Variants in MGAT4C observed in about 807,000 individuals in gnomAD.
MGAT4C encodes the protein MGAT4 family member C, also known as alpha-1,3-mannosyl-glycoprotein 4-beta-N-acetylglucosaminyltransferase C.
MGAT4C carries 19 observed loss-of-function variants against 40.1 expected under a neutral mutation model. That is an observed-to-expected ratio of 0.47 (90% confidence interval 0.33 to 0.70). MGAT4C has a LOEUF of 0.70. MGAT4C is among the 30% of genes least tolerant of loss of function. The pLI, the probability that MGAT4C is intolerant of heterozygous loss-of-function variation, is 0.02. For missense variants in MGAT4C, 491 were observed against 563.2 expected, an observed-to-expected ratio of 0.87 and a Z score of 1.30; for synonymous variants, 181 against 187.1, an observed-to-expected ratio of 0.97 and a Z score of 0.27.
At chr12:86,614,877 CTAAGTTGTA>C (rs1848559923) in intron 2 of MGAT4C, among the ~76,000 whole-genome samples, 1 of 151,702 alleles carries the variant, frequency 6.6e-6, no homozygotes, top group South Asian at 2.1e-4. Flanking sequence ...AAAATTTCCC[CTAAGTTGTA>C]TAAGAGTCAG....
chr12:86,080,594 C>T (rs1386654268), intron 1 of MGAT4C, among the ~76,000 whole-genome samples: 1 of 152,184 alleles, frequency 6.6e-6, no homozygotes, highest in African/African-American at 2.4e-5. Flanking sequence ...TGTGCACACA[C>T]ACACATGCAC....
chr12:86,036,986 A>G (rs1225388448), intron 2 of MGAT4C, among the ~76,000 whole-genome samples: 1 of 150,006 alleles, frequency 6.7e-6, no homozygotes, highest in African/African-American at 2.4e-5. Context: ...TGGTCTATTC[A>G]AGGATTCAAC....
chr12:86,452,965 T>C (rs762721175), intron 2 of MGAT4C, among the ~76,000 whole-genome samples: 2 of 152,204 alleles, frequency 1.3e-5, no homozygotes, highest in Non-Finnish European at 2.9e-5. Flanking sequence ...CAATCCTTAA[T>C]TGCATTGAAA....
intron 2 of MGAT4C, among the ~76,000 whole-genome samples, chr12:86,611,456 T>TAGATGATAGATAGATA (rs1555210960): frequency 4.2e-5 from 6 of 143,658 alleles, no homozygotes; most frequent in Non-Finnish European, 3.0e-5. Flanking sequence ...GATAGATAGA[T>TAGATGATAGATAGATA]GATAGATAGA....
At chr12:86,716,374 T>G (rs1950644969) in intron 2 of MGAT4C, among the ~76,000 whole-genome samples, 1 of 152,154 alleles carries the variant, frequency 6.6e-6, no homozygotes, top group South Asian at 2.1e-4. Flanking sequence ...CCCTACCTAA[T>G]ATTATCTTTT....
At chr12:86,200,687 T>G (rs2135932057) in intron 1 of MGAT4C, among the ~76,000 whole-genome samples, 1 of 152,306 alleles carries the variant, frequency 6.6e-6, no homozygotes, top group African/African-American at 2.4e-5. Context: ...GACTTTTTTA[T>G]GTATTTTGCA....
chr12:86,369,087 T>C (rs1311423099), intron 3 of MGAT4C, among the ~76,000 whole-genome samples: 1 of 152,070 alleles, frequency 6.6e-6, no homozygotes, highest in Non-Finnish European at 1.5e-5. Flanking sequence ...TACATTTCTT[T>C]TGAATTGCCA....
chr12:86,127,758 T>A (rs1481235441), intron 1 of MGAT4C, among the ~76,000 whole-genome samples: 2 of 152,192 alleles, frequency 1.3e-5, no homozygotes, highest in African/African-American at 4.8e-5. Flanking sequence ...TAGCCTAGTA[T>A]GAAACAGGGT....
chr12:86,420,747 T>TA (rs1172656716), intron 3 of MGAT4C, among the ~76,000 whole-genome samples: 1 of 149,300 alleles, frequency 6.7e-6, no homozygotes, highest in Admixed American at 6.7e-5. Flanking sequence ...AGTTTGGCCA[T>TA]AAAAAATCAA....
intron 2 of MGAT4C, among the ~76,000 whole-genome samples, chr12:86,676,755 C>T (rs1964409480): frequency 6.6e-6 from 1 of 152,086 alleles, no homozygotes; most frequent in Admixed American, 6.6e-5. Context: ...GTTAATTGAA[C>T]ATTCTCCATA....
chr12:86,190,042 A>G (rs1238263854), intron 1 of MGAT4C, among the ~76,000 whole-genome samples: 2 of 152,078 alleles, frequency 1.3e-5, no homozygotes, highest in African/African-American at 4.8e-5. Context: ...TTTGGTTGTG[A>G]AGGACATTTG....
At chr12:86,092,397 A>G (rs908567779) in intron 1 of MGAT4C, among the ~76,000 whole-genome samples, 4 of 152,038 alleles carry the variant, frequency 2.6e-5, no homozygotes, top group African/African-American at 9.7e-5. Flanking sequence ...ATATTACCCT[A>G]TTGTTTTAAA....
intron 1 of MGAT4C, among the ~76,000 whole-genome samples, chr12:86,837,168 G>C (rs938818680): frequency 2.6e-5 from 4 of 152,006 alleles, no homozygotes; most frequent in African/African-American, 9.7e-5. Context: ...GGAGGGAAAA[G>C]GTTCCACAAA....
intron 1 of MGAT4C, among the ~76,000 whole-genome samples, chr12:86,178,437 T>C (rs1056474371): frequency 3.9e-5 from 6 of 152,228 alleles, no homozygotes; most frequent in African/African-American, 1.2e-4. Context: ...GAGAATTTAA[T>C]TGTAAGCAGA....
intron 4 of MGAT4C, among the ~76,000 whole-genome samples, chr12:86,332,814 A>C (rs1353188190): frequency 6.6e-6 from 1 of 152,172 alleles, no homozygotes; most frequent in Non-Finnish European, 1.5e-5. Flanking sequence ...TAACTACTTA[A>C]TTATCAGAAT....
In MGAT4C at chr12:86,132,257, T is replaced by C. The variant is rs1881292281; in HGVS notation, c.-56-82534A>G. ...TCTTTATTTGTAAGCAAATATAATA[T>C]GTGACTTATAACAGAATGGAATGAG... On this transcript the variant is annotated intron_variant, in intron 1 of 4. Coordinates refer to ENST00000611864, the MANE Select transcript of MGAT4C (RefSeq NM_001351288.2). Among the ~76,000 whole-genome samples the C allele has an allele frequency of 2.0e-5, 3 of 152,218 alleles. No individual in the cohort carries two copies. In the South Asian group the frequency reaches 6.2e-4, roughly 32 times the overall value.
At chr12:86,438,002 T>C (rs1957166301) in intron 2 of MGAT4C, among the ~76,000 whole-genome samples, 1 of 151,918 alleles carries the variant, frequency 6.6e-6, no homozygotes, top group Non-Finnish European at 1.5e-5. Context: ...GGAAGAGTCA[T>C]GGTCTTTCAC....
chr12:86,129,904 A>G (rs1283296329), intron 1 of MGAT4C, among the ~76,000 whole-genome samples: 3 of 152,180 alleles, frequency 2.0e-5, no homozygotes, highest in South Asian at 2.1e-4. Context: ...TTAGCAAATC[A>G]GTCTACCCCT....
At chr12:86,095,405 A>C (rs1174576369) in intron 1 of MGAT4C, among the ~76,000 whole-genome samples, 1 of 151,938 alleles carries the variant, frequency 6.6e-6, no homozygotes, top group Non-Finnish European at 1.5e-5. Context: ...TTTTTATTTG[A>C]AAGGATGCTT....
Sources: gnomAD v4.1 joint callset for allele counts (sites outside exome capture counted in the v4.1 genomes callset) on GRCh38, gnomAD v4.1.1 for gene constraint, MANE v1.5 for transcripts, NCBI Gene and HGNC (gene_info 2026-07-23, HGNC 2026-07-21) for gene names.